Variants in LRP8 observed in about 807,000 individuals in gnomAD.
LRP8 encodes low-density lipoprotein receptor-related protein 8.
LRP8 carries 46 observed loss-of-function variants against 111.6 expected under a neutral mutation model. That is an observed-to-expected ratio of 0.41 (90% CI 0.33 to 0.53). The LOEUF (loss-of-function observed/expected upper bound fraction) is 0.53, where lower values mean the gene tolerates loss of function less well. Among genes scored for constraint, LRP8 ranks in the 20% least tolerant of loss-of-function variants. The pLI, the probability that LRP8 is intolerant of heterozygous loss-of-function variation, is 0.20. For synonymous variants in LRP8, 464 were observed against 511.2 expected (o/e 0.91, Z 1.24); for missense variants, 959 against 1,297.4 (o/e 0.74, Z 4.01).
chr1:53,297,667 G>A (rs1035708202), intron 2 of LRP8, among the ~76,000 whole-genome samples: 4 of 152,220 alleles, frequency 2.6e-5, no homozygotes, highest in East Asian at 1.9e-4. Context: ...AGGCTGCAGC[G>A]GAAGGAGCAC....
In LRP8 at chr1:53,262,323, A is replaced by G; in HGVS notation, c.1775-116T>C. 1.3e-6 allele frequency: 2 copies of G among 1,528,752 alleles called. No homozygotes were observed. The highest frequency in any genetic ancestry group is 2.3e-5 in the South Asian group (2 of 85,988). 94.7% of individuals were successfully genotyped at this position (1,528,752 alleles called of 1,614,324 possible). ...CTCACACTGAGGCCAGCCTACGGCA[A>G]CCATTAGGAAACAAAGTCACTGGCA... is the stretch of plus-strand genomic sequence containing the variant. On this transcript the variant is annotated intron_variant, in intron 11 of 18. Coordinates refer to ENST00000306052, the MANE Select transcript of LRP8 (RefSeq NM_004631.5). The surrounding 1 kb of genome is among the most constrained non-coding windows in gnomAD (Gnocchi z 4.8).
At chr1:53,269,951 G>T (rs1297161060) in intron 8 of LRP8, among the ~76,000 whole-genome samples, 1 of 152,170 alleles carries the variant, frequency 6.6e-6, no homozygotes, top group Non-Finnish European at 1.5e-5. Context: ...TGATCAATGT[G>T]TAGGTCTGCC....
At chr1:53,252,147 G>T (rs1286467335) in intron 16 of LRP8, among the ~76,000 whole-genome samples, 1 of 152,122 alleles carries the variant, frequency 6.6e-6, no homozygotes, top group Non-Finnish European at 1.5e-5. Flanking sequence ...AGAGAAGCTG[G>T]TGAAAAACTA....
chr1:53,314,308 G>A (rs1653508653), intron 2 of LRP8, among the ~76,000 whole-genome samples: 1 of 152,230 alleles, frequency 6.6e-6, no homozygotes, highest in African/African-American at 2.4e-5. Context: ...GCCCTGGGAG[G>A]CAAGTCACAG....
chr1:53,321,767 T>C (rs917301959), intron 2 of LRP8, among the ~76,000 whole-genome samples: 3 of 152,054 alleles, frequency 2.0e-5, no homozygotes, highest in Non-Finnish European at 4.4e-5. Flanking sequence ...TGCTGGGCAG[T>C]GCCATGGGGG....
intron 2 of LRP8, among the ~76,000 whole-genome samples, chr1:53,318,532 ACTTAT>A (rs1340676158): frequency 6.6e-6 from 1 of 152,196 alleles, no homozygotes; most frequent in Non-Finnish European, 1.5e-5. Flanking sequence ...TTTCCTAAGA[ACTTAT>A]CTTAAAGAAA....
chr1:53,282,380 C>G (rs1647142411), intron 3 of LRP8, among the ~76,000 whole-genome samples: 1 of 152,230 alleles, frequency 6.6e-6, no homozygotes, highest in South Asian at 2.1e-4. Flanking sequence ...GAGCAAATAA[C>G]TGTCAGGTTG....
At chr1:53,259,157 G>A (rs1033831910) in intron 13 of LRP8, among the ~76,000 whole-genome samples, 5 of 152,148 alleles carry the variant, frequency 3.3e-5, no homozygotes, top group African/African-American at 1.2e-4. Context: ...CTGTTGCCTA[G>A]ACTAAGTGCA....
chr1:53,290,880 C>T (rs879913792), intron 2 of LRP8, among the ~76,000 whole-genome samples: 20 of 152,180 alleles, frequency 1.3e-4, no homozygotes, highest in Admixed American at 5.2e-4. Context: ...GGGCCTTGAG[C>T]GCTCCACCCC....
Position 53,244,628 on chromosome 1 carries a change from T to G in LRP8, c.*2390A>C, listed in dbSNP as rs952773720. The G allele has an allele frequency of 6.6e-6, 1 of 152,230 alleles. No individual in the cohort carries two copies. Among genetic ancestry groups the G allele is most frequent in the Non-Finnish European group, 1.5e-5 (1 of 68,046 alleles). The allele number at this position is 152,230 out of a possible 1,614,324, so 9.4% of individuals were successfully genotyped here. On this transcript the variant is annotated 3_prime_UTR_variant, in exon 19 of 19. Coordinates refer to ENST00000306052, the MANE Select transcript of LRP8 (RefSeq NM_004631.5). ...AAACATGAATGTCTCTGAGAAAAAG[T>G]TGTGAATTTCATTGTCATTTTGAGA... is the stretch of plus-strand genomic sequence containing the variant.
At position 53,264,307 on chromosome 1, in the gene LRP8, C is replaced by T; in HGVS notation, c.1517G>A (p.Trp506Ter). 1 of 1,614,130 alleles carries T rather than the reference C, an allele frequency of 6.2e-7. No homozygotes were observed. The highest frequency in any genetic ancestry group is 8.5e-7 in the Non-Finnish European group (1 of 1,180,002). ...LHSPEGLAVD[W>*]VHKHIYWTDS... ...AGTCCAGTAGATGTGCTTGTGGACC[C>T]AGTCCACTGCCAGGCCCTCTGGAGA... The change falls in exon 10 of 19, where the codon TGG (tryptophan) becomes TAG (stop). Residue 506 changes from tryptophan (W) to a stop codon, truncating the protein, a stop_gained. Coordinates refer to ENST00000306052, the MANE Select transcript of LRP8 (RefSeq NM_004631.5). LOFTEE classifies it high-confidence loss of function.
At chr1:53,327,626 G>A (rs1193550005) in intron 1 of LRP8, among the ~76,000 whole-genome samples, 163 bp downstream of exon 1, 1 of 152,296 alleles carries the variant, frequency 6.6e-6, no homozygotes, top group South Asian at 2.1e-4. Flanking sequence ...CGGGGGCGGG[G>A]GGCCGAGGGC....
Position 53,242,872 on chromosome 1 carries a change from C to T in LRP8, c.*4146G>A, listed in dbSNP as rs896607653. The T allele has an allele frequency of 6.6e-6, 1 of 150,774 alleles. No homozygotes were observed. The highest frequency in any genetic ancestry group is 3.2e-3 in the Middle Eastern group (1 of 314). 9.3% of individuals were successfully genotyped at this position (150,774 alleles called of 1,614,324 possible). A position where few individuals can be genotyped will look rare whatever the true frequency, so the allele number is the denominator to read the frequency against. On this transcript the variant is annotated 3_prime_UTR_variant, in exon 19 of 19. Transcript: ENST00000306052. ...ATATATATATATACACACACACACA[C>T]GTGGCTTTTTAAAAATTACTTTTTT...
rs953505279 is a variant in LRP8, at chr1:53,243,926, A to C, written c.*3092T>G. On this transcript the variant is annotated 3_prime_UTR_variant, in exon 19 of 19. Coordinates refer to ENST00000306052, the MANE Select transcript of LRP8 (RefSeq NM_004631.5). The stretch of plus-strand genomic sequence containing the variant: ...ACTCTGTAAAGTCAGAACATGTGTG[A>C]CTGACCTTTACATCTGCAGTGCCAG... The C allele has an allele frequency of 6.6e-6, 1 of 152,206 alleles. No individual in the cohort carries two copies. Among genetic ancestry groups the C allele is most frequent in the Non-Finnish European group, 1.5e-5 (1 of 68,048 alleles). 9.4% of individuals were successfully genotyped at this position (152,206 alleles called of 1,614,324 possible). A position where few individuals can be genotyped will look rare whatever the true frequency, so the allele number is the denominator to read the frequency against.
intron 2 of LRP8, among the ~76,000 whole-genome samples, chr1:53,302,554 A>T (rs1277586176): frequency 6.6e-6 from 1 of 152,118 alleles, no homozygotes; most frequent in Non-Finnish European, 1.5e-5. Context: ...TGTTACACCC[A>T]GGGTTTTTGT....
chr1:53,282,370 G>A (rs1488975220), intron 3 of LRP8, among the ~76,000 whole-genome samples: 1 of 152,210 alleles, frequency 6.6e-6, no homozygotes, highest in African/African-American at 2.4e-5. Flanking sequence ...TGGGATGGAT[G>A]AGCAAATAAC....
chr1:53,300,835 G>T (rs1442037421), intron 2 of LRP8, among the ~76,000 whole-genome samples: 1 of 152,226 alleles, frequency 6.6e-6, no homozygotes, highest in African/African-American at 2.4e-5. Flanking sequence ...GGCCTCGGGA[G>T]CCCTGGCTAC....
rs775998883 is a variant in LRP8 at position 53,243,951 on chromosome 1, G to C, written c.*3067C>G. 8 of 152,148 alleles carry C rather than the reference G, an allele frequency of 5.3e-5. No homozygotes were observed. The highest frequency in any genetic ancestry group is 8.8e-5 in the Non-Finnish European group (6 of 68,028). The allele number at this position is 152,148 out of a possible 1,614,324, so 9.4% of individuals were successfully genotyped here. ...ACTGACCTTTACATCTGCAGTGCCA[G>C]GTGTGTAGTTGGTATCTAGTGAGTG... is the stretch of plus-strand genomic sequence containing the variant. On this transcript the variant is annotated 3_prime_UTR_variant, in exon 19 of 19. Transcript: ENST00000306052.
chr1:53,260,680 A>T (rs778796347), intron 12 of LRP8, 75 bp from the exon 13 acceptor site: 57 of 1,482,298 alleles, frequency 3.8e-5, no homozygotes, highest in Admixed American at 5.5e-5. Context: ...GTTGGCCCCA[A>T]ACCATAGTCA....
Sources: gnomAD v4.1 joint callset for allele counts (sites outside exome capture counted in the v4.1 genomes callset) on GRCh38, gnomAD v4.1.1 for gene constraint, Gnocchi (gnomAD v3.1) non-coding constraint, MANE v1.5 for transcripts, NCBI Gene and HGNC (gene_info 2026-07-23, HGNC 2026-07-21) for gene names.